The following IL1RL1 variants were observed in gnomAD, a reference collection of about 807,000 sequenced individuals.
IL1RL1 encodes the protein interleukin 1 receptor like 1.
In IL1RL1, 32 loss-of-function variants were observed where a neutral mutation model predicts 50.9. The ratio of observed to expected loss-of-function variants is 0.63; its 90% CI spans 0.47 to 0.84. The LOEUF (loss-of-function observed/expected upper bound fraction) is 0.84, where lower values mean the gene tolerates loss of function less well. IL1RL1 is among the 40% of genes least tolerant of loss of function. The pLI is 0.00. For synonymous variants in IL1RL1, 275 were observed against 236.0 expected (o/e 1.17, Z -1.51); for missense variants, 773 against 662.9 (o/e 1.17, Z -1.82).
intron 1 of IL1RL1, among the ~76,000 whole-genome samples, chr2:102,326,280 T>A (rs1236641358): frequency 6.6e-6 from 1 of 152,108 alleles, no homozygotes; most frequent in Admixed American, 6.5e-5. Flanking sequence ...AGAAATAAAA[T>A]ACTTTACAGA....
intron 9 of IL1RL1, among the ~76,000 whole-genome samples, 198 bp from the exon 10 acceptor site, chr2:102,348,881 C>T (rs1297188013): frequency 6.6e-6 from 1 of 152,132 alleles, no homozygotes; most frequent in African/African-American, 2.4e-5. Flanking sequence ...AGGAGAAACA[C>T]TTTGGGATGA....
At chr2:102,338,389 C>T (rs527700949) in intron 2 of IL1RL1, 64 bp downstream of exon 2, 5 of 994,784 alleles carry the variant, frequency 5.0e-6, no homozygotes, top group East Asian at 2.7e-5. Flanking sequence ...AGAACATTTA[C>T]CTTGTTTTAA....
At chr2:102,340,915 A>T (rs767223105) in intron 5 of IL1RL1, 87 bp downstream of exon 5, 10 of 1,017,508 alleles carry the variant, frequency 9.8e-6, no homozygotes, top group Non-Finnish European at 1.4e-5. Context: ...GGTTTCTTGC[A>T]CTTCTCCCTC....
At position 102,340,697 on chromosome 2, in the gene IL1RL1, G is replaced by T. The variant is rs771776906; in HGVS notation, c.479G>T (p.Arg160Met). 1 of 1,598,136 alleles carries T rather than the reference G, an allele frequency of 6.3e-7. No homozygotes were observed. The highest frequency in any genetic ancestry group is 8.5e-7 in the Non-Finnish European group (1 of 1,175,718). Residue 160 changes from arginine (R) to methionine (M), a missense_variant, in exon 5 of 11, where the codon AGG becomes ATG. By Grantham distance (91) the Arg-to-Met change is moderately conservative (BLOSUM62 -1). Coordinates refer to ENST00000233954, the MANE Select transcript of IL1RL1 (RefSeq NM_016232.5). ...NCQALQGSRY[R>M]AHKSFLVIDN... Reference sequence around the variant, plus strand: ...CAGGCTCTTCAAGGATCAAGGTACAGGGCGCACAAGTCATTTTTGGTCATT... The same window carrying T: ...CAGGCTCTTCAAGGATCAAGGTACATGGCGCACAAGTCATTTTTGGTCATT...
chr2:102,345,033 G>T (rs1196139564), intron 8 of IL1RL1: 1 of 948,214 alleles, frequency 1.1e-6, no homozygotes, highest in South Asian at 4.9e-5. Flanking sequence ...ATAATTGGTG[G>T]CATCACAAAT....
intron 1 of IL1RL1, among the ~76,000 whole-genome samples, chr2:102,337,828 T>C (rs889472528): frequency 6.6e-6 from 1 of 152,212 alleles, no homozygotes; most frequent in Non-Finnish European, 1.5e-5. Flanking sequence ...GAAACTCATA[T>C]TCTTTCCTTC....
In IL1RL1 at chr2:102,338,329, A is replaced by G; in HGVS notation, c.61+4A>G. 1 of 1,526,170 alleles carries G rather than the reference A, an allele frequency of 6.6e-7. No homozygotes were observed. Among genetic ancestry groups the G allele is most frequent in the Non-Finnish European group, 9.0e-7 (1 of 1,106,470 alleles). 94.5% of individuals were successfully genotyped at this position (1,526,170 alleles called of 1,614,324 possible). A position where few individuals can be genotyped will look rare whatever the true frequency, so the allele number is the denominator to read the frequency against. On this transcript the variant is annotated splice_donor_region_variant and intron_variant, in intron 2 of 10. Coordinates refer to ENST00000233954, the MANE Select transcript of IL1RL1 (RefSeq NM_016232.5). ...TATTCCACAGCAGCAAAGTTTAGTA[A>G]GTATTGCCTTCTAAGTATAATTTAA...
At chr2:102,349,035 T>C in intron 9 of IL1RL1, 44 bp from the exon 10 acceptor site, 1 of 1,521,564 alleles carries the variant, frequency 6.6e-7, no homozygotes, top group South Asian at 1.1e-5. Flanking sequence ...AGTGAGAATT[T>C]TTAGAATCAA....
chr2:102,348,703 T>C (rs546227832), intron 9 of IL1RL1, among the ~76,000 whole-genome samples: 2 of 152,342 alleles, frequency 1.3e-5, no homozygotes, highest in South Asian at 2.1e-4. Flanking sequence ...CCCTTGCTAC[T>C]ATTAGCTTTA....
At chr2:102,344,789 A>G in intron 8 of IL1RL1, 1 of 925,554 alleles carries the variant, frequency 1.1e-6, no homozygotes, top group Non-Finnish European at 1.3e-6. Flanking sequence ...TTAATTATAC[A>G]ACAAAATACT....
chr2:102,343,489 A>G (rs1052857902), intron 8 of IL1RL1, 74 bp downstream of exon 8: 31 of 1,612,430 alleles, frequency 1.9e-5, no homozygotes, highest in Admixed American at 5.0e-5. Context: ...GTGTGGTTCC[A>G]AGAGATCCAT....
chr2:102,338,929 C>T lies in IL1RL1; in HGVS notation c.154C>T (p.Gln52Ter). ...PSYTVDWYYS[Q>*]TNKSIPTQER... ...TTACACCGTGGATTGGTATTACTCA[C>T]AAACAAACAAAAGTATTCCCACTCA... Residue 52 changes from glutamine (Q) to a stop codon, truncating the protein, a stop_gained, in exon 3 of 11, where the codon CAA becomes TAA. Transcript: ENST00000233954. LOFTEE classifies it high-confidence loss of function. The T allele has an allele frequency of 6.2e-7, 1 of 1,613,788 alleles. No homozygotes were observed. Among genetic ancestry groups the T allele is most frequent in the East Asian group, 2.2e-5 (1 of 44,874 alleles).
intron 1 of IL1RL1, among the ~76,000 whole-genome samples, chr2:102,329,470 A>G (rs1452167661): frequency 1.3e-5 from 2 of 152,234 alleles, no homozygotes; most frequent in Admixed American, 6.5e-5. Flanking sequence ...AATGGCAACA[A>G]AAGACAAAGT....
chr2:102,344,748 G>A, intron 8 of IL1RL1: 1 of 940,956 alleles, frequency 1.1e-6, no homozygotes, highest in Non-Finnish European at 1.3e-6. Context: ...TGTTTTTTTT[G>A]TGTACATTTC....
At chr2:102,341,875 C>A (rs908498649) in intron 5 of IL1RL1, among the ~76,000 whole-genome samples, 1 of 152,076 alleles carries the variant, frequency 6.6e-6, no homozygotes, top group Non-Finnish European at 1.5e-5. Context: ...TTGAAATCTT[C>A]TCTGTAGTCT....
intron 1 of IL1RL1, among the ~76,000 whole-genome samples, chr2:102,333,691 A>C (rs889016315): frequency 6.6e-6 from 1 of 152,120 alleles, no homozygotes; most frequent in East Asian, 1.9e-4. Flanking sequence ...TCTTACCCAA[A>C]TTGTGAATAT....
At chr2:102,343,243 A>G (rs1316106232) in intron 7 of IL1RL1, 27 bp from the exon 8 acceptor site, 19 of 1,614,144 alleles carry the variant, frequency 1.2e-5, no homozygotes, top group Non-Finnish European at 1.4e-5. Flanking sequence ...CAAAGTAGGC[A>G]TTAAAAGTAA....
intron 8 of IL1RL1, chr2:102,344,907 G>C: frequency 1.0e-6 from 1 of 971,526 alleles, no homozygotes; most frequent in African/African-American, 1.8e-5. Flanking sequence ...GGATTTTAAT[G>C]ATATCATTAT....
rs762890451 is a variant in IL1RL1, at chr2:102,342,230, A to G, written c.618A>G (p.Gln206=). 12 of 1,608,758 alleles carry G rather than the reference A, an allele frequency of 7.5e-6. No individual in the cohort carries two copies. In the South Asian group the frequency reaches 8.8e-5, roughly 12 times the overall value. ...ATRSFTVKDE[Q]GFSLFPVIGA... ...TTTCTTTTTGTCTTTAAGATGAGCAAGGCTTTTCTCTGTTTCCAGTAATCG... is the reference window on the plus strand; with the variant it reads ...TTTCTTTTTGTCTTTAAGATGAGCAGGGCTTTTCTCTGTTTCCAGTAATCG... Residue 206 remains glutamine, a synonymous_variant, in exon 6 of 11, where the codon CAA becomes CAG. Coordinates refer to ENST00000233954, the MANE Select transcript of IL1RL1 (RefSeq NM_016232.5).
Sources: allele counts gnomAD v4.1 joint callset (sites outside exome capture counted in the v4.1 genomes callset), GRCh38; gene constraint gnomAD v4.1.1; transcripts MANE v1.5; gene names NCBI Gene and HGNC (gene_info 2026-07-23, HGNC 2026-07-21).